The following ZDHHC15 variants were observed in gnomAD, a reference collection of about 807,000 sequenced individuals.
ZDHHC15 encodes palmitoyltransferase ZDHHC15.
In ZDHHC15, 19 loss-of-function variants were observed where a neutral mutation model predicts 31.7. The ratio of observed to expected loss-of-function variants is 0.60; its 90% CI spans 0.42 to 0.88. ZDHHC15 has a LOEUF of 0.88. ZDHHC15 is among the 40% of genes least tolerant of loss of function. ZDHHC15 has a pLI of 0.00. For synonymous variants in ZDHHC15, 103 were observed against 90.0 expected, an observed-to-expected ratio of 1.14 and a Z score of -0.82; for missense variants, 209 against 251.2, an observed-to-expected ratio of 0.83 and a Z score of 1.14.
At chrX:75,396,830 T>C (rs1449015961) in intron 10 of ZDHHC15, among the ~76,000 whole-genome samples, 1 of 111,734 alleles carries the variant, frequency 8.9e-6, no homozygotes, top group Admixed American at 9.5e-5. Flanking sequence ...AATCCTGTTA[T>C]TTGCAACAAC....
chrX:75,452,082 T>C (rs1255334825), intron 3 of ZDHHC15, among the ~76,000 whole-genome samples: 8 of 110,267 alleles, frequency 7.3e-5, no homozygotes, highest in African/African-American at 2.6e-4. Context: ...AAACACAGAC[T>C]GGCAAATTGG....
At chrX:75,495,123 T>A (rs1314336896) in intron 2 of ZDHHC15, among the ~76,000 whole-genome samples, 1 of 111,705 alleles carries the variant, frequency 9.0e-6, no homozygotes, top group Non-Finnish European at 1.9e-5. Context: ...GGGCAAAGGA[T>A]TTGAATAGCC....
At chrX:75,413,438 T>C (rs1472072129) in intron 10 of ZDHHC15, among the ~76,000 whole-genome samples, 1 of 111,360 alleles carries the variant, frequency 9.0e-6, no homozygotes, top group Non-Finnish European at 1.9e-5. Context: ...TTGTTACTAC[T>C]GAAACAATAA....
At chrX:75,518,800 TATATATAC>T (rs1192328111) in intron 1 of ZDHHC15, among the ~76,000 whole-genome samples, 100 of 25,937 alleles carry the variant, frequency 3.9e-3, no homozygotes, top group African/African-American at 0.01. Flanking sequence ...TATATATATA[TATATATAC>T]ACACACACAC....
intron 11 of ZDHHC15, among the ~76,000 whole-genome samples, chrX:75,374,507 C>T (rs1405232108): frequency 9.1e-6 from 1 of 110,157 alleles, no homozygotes; most frequent in Non-Finnish European, 1.9e-5. Context: ...TCTATGCCTA[C>T]CATATGACTT....
rs1361838043 is a variant in ZDHHC15 at position 75,404,287 on chromosome X, T to G, written c.967+12800A>C. Among the ~76,000 whole-genome samples the G allele has an allele frequency of 3.6e-5, 4 of 112,074 alleles. No individual in the cohort carries two copies. In the East Asian group the frequency reaches 1.1e-3, roughly 31 times the overall value. On this transcript the variant is annotated intron_variant, in intron 10 of 11. Transcript: ENST00000373367. ...ACTACAAAAACCCAGGAAGACAATC[T>G]AAGCAGTATTATCCTGGACACAGGA... is the stretch of plus-strand genomic sequence containing the variant.
At chrX:75,448,813 T>C (rs1456911936) in intron 4 of ZDHHC15, among the ~76,000 whole-genome samples, 1 of 110,834 alleles carries the variant, frequency 9.0e-6, no homozygotes, top group African/African-American at 3.3e-5. Flanking sequence ...GGTCATAGGG[T>C]ACCTAGATAT....
chrX:75,404,833 T>C lies in ZDHHC15; in HGVS notation c.967+12254A>G, dbSNP rs142534610. Among the ~76,000 whole-genome samples, 62 of 111,696 alleles carry C rather than the reference T, an allele frequency of 5.6e-4. 1 individual carries two copies. The highest frequency in any genetic ancestry group is 1.9e-3 in the African/African-American group (59 of 30,792). On this transcript the variant is annotated intron_variant, in intron 10 of 11. Transcript: ENST00000373367. ...AAGCACTATAGCAATTCCTCAAAGA[T>C]CTAAAAGCAGAACTACCATTTCACC...
chrX:75,421,402 T>TATA (rs1313986148), intron 9 of ZDHHC15, among the ~76,000 whole-genome samples: 10 of 8,074 alleles, frequency 1.2e-3, no homozygotes, highest in African/African-American at 3.8e-3. Flanking sequence ...ATATATATTA[T>TATA]ATATATATAA....
intron 3 of ZDHHC15, among the ~76,000 whole-genome samples, chrX:75,452,937 A>T (rs2084148883): frequency 8.9e-6 from 1 of 111,997 alleles, no homozygotes; most frequent in East Asian, 2.8e-4. Context: ...AGCAGGAAAG[A>T]TCTAAAATCA....
intron 1 of ZDHHC15, among the ~76,000 whole-genome samples, chrX:75,515,832 A>T (rs748663449): frequency 3.6e-5 from 4 of 111,657 alleles, no homozygotes; most frequent in Non-Finnish European, 5.6e-5. Context: ...TATTTAGAAA[A>T]CCCCATCATC....
At chrX:75,467,718 G>T (rs2084429461) in intron 3 of ZDHHC15, among the ~76,000 whole-genome samples, 1 of 112,263 alleles carries the variant, frequency 8.9e-6, no homozygotes, top group Non-Finnish European at 1.9e-5. Context: ...GCTTCATAAG[G>T]TGATGACGAC....
chrX:75,391,221 C>A (rs1476293176), intron 10 of ZDHHC15, among the ~76,000 whole-genome samples: 1 of 111,476 alleles, frequency 9.0e-6, no homozygotes, highest in Non-Finnish European at 1.9e-5. Context: ...CTCACAAGAT[C>A]TAGAAAATAG....
Position 75,368,774 on chromosome X carries a change from A to G in ZDHHC15, c.*4204T>C, listed in dbSNP as rs2147736213. 1 of 110,791 alleles carries G rather than the reference A, an allele frequency of 9.0e-6. No individual in the cohort carries two copies. Among genetic ancestry groups the G allele is most frequent in the Admixed American group, 9.6e-5 (1 of 10,383 alleles). 9.1% of individuals were successfully genotyped at this position (110,791 alleles called of 1,213,427 possible). A position where few individuals can be genotyped will look rare whatever the true frequency, so the allele number is the denominator to read the frequency against. ...CCCTACTAACAATCTATTTCCTGGTATATTGAATTCATTGTTGGTTTTAAC... is the reference window on the plus strand; with the variant it reads ...CCCTACTAACAATCTATTTCCTGGTGTATTGAATTCATTGTTGGTTTTAAC... On this transcript the variant is annotated 3_prime_UTR_variant, in exon 12 of 12. Transcript: ENST00000373367.
At chrX:75,488,606 C>T (rs1269572373) in intron 2 of ZDHHC15, among the ~76,000 whole-genome samples, 1 of 112,040 alleles carries the variant, frequency 8.9e-6, no homozygotes, top group African/African-American at 3.2e-5. Flanking sequence ...TAAAAAATAA[C>T]ATAATGAAAA....
At chrX:75,437,007 G>A (rs1164762809) in intron 4 of ZDHHC15, among the ~76,000 whole-genome samples, 1 of 111,000 alleles carries the variant, frequency 9.0e-6, no homozygotes, top group Non-Finnish European at 1.9e-5. Flanking sequence ...TCAGCCTCCC[G>A]AGTAGCTGGG....
chrX:75,481,642 T>A lies in ZDHHC15; in HGVS notation c.164-2657A>T, dbSNP rs142479786. 1.1e-3 allele frequency among the ~76,000 whole-genome samples: 126 copies of A among 111,868 alleles called. No individual in the cohort carries two copies. In the East Asian group the frequency reaches 0.021, roughly 19 times the overall value. On this transcript the variant is annotated intron_variant, in intron 2 of 11. Transcript: ENST00000373367. ...TTAGAGTAAGGTGAGACCATAGAGA[T>A]CATTTGGTTCAACACTCTCATTTTA...
intron 3 of ZDHHC15, among the ~76,000 whole-genome samples, chrX:75,463,787 A>AT (rs1385385334): frequency 9.0e-6 from 1 of 111,697 alleles, no homozygotes; most frequent in African/African-American, 3.3e-5. Flanking sequence ...AAAAGTCAGG[A>AT]AACAACAGGA....
chrX:75,504,768 G>A (rs1257495855), intron 2 of ZDHHC15, among the ~76,000 whole-genome samples: 1 of 111,354 alleles, frequency 9.0e-6, no homozygotes, highest in African/African-American at 3.3e-5. Context: ...TTCAGAAGAT[G>A]ATCTCTGACC....
Sources: gnomAD v4.1 joint callset for allele counts (sites outside exome capture counted in the v4.1 genomes callset) on GRCh38, gnomAD v4.1.1 for gene constraint, MANE v1.5 for transcripts, NCBI Gene and HGNC (gene_info 2026-07-23, HGNC 2026-07-21) for gene names.